The following SNX29 variants were observed in gnomAD, a reference collection of about 807,000 sequenced individuals.
SNX29 encodes the protein sorting nexin 29.
A neutral mutation model predicts 102.1 loss-of-function variants in SNX29; 78 were observed. That is an observed-to-expected ratio of 0.76 (90% CI 0.64 to 0.92). The LOEUF is 0.92. Among genes scored for constraint, SNX29 ranks in the 40% least tolerant of loss-of-function variants. The pLI is 0.00. For synonymous variants in SNX29, 580 were observed against 414.5 expected, an observed-to-expected ratio of 1.40 and a Z score of -4.85; for missense variants, 1,280 against 1,061.7, an observed-to-expected ratio of 1.21 and a Z score of -2.86.
chr16:12,208,748 G>A (rs1418153569), intron 14 of SNX29, among the ~76,000 whole-genome samples: 1 of 152,086 alleles, frequency 6.6e-6, no homozygotes, highest in African/African-American at 2.4e-5. Context: ...GGCTGAGGTG[G>A]GAGGATCACT....
intron 1 of SNX29, among the ~76,000 whole-genome samples, chr16:11,987,655 A>G (rs1052259605): frequency 6.6e-6 from 1 of 152,130 alleles, no homozygotes; most frequent in African/African-American, 2.4e-5. Flanking sequence ...TTGGCTTCCC[A>G]AAGTGCTGGG....
chr16:12,429,338 C>T (rs1159155127), intron 18 of SNX29, among the ~76,000 whole-genome samples: 1 of 152,210 alleles, frequency 6.6e-6, no homozygotes, highest in Admixed American at 6.6e-5. Flanking sequence ...GATACGATTG[C>T]AGTTGATATC....
chr16:12,251,064 A>G (rs1251346073), intron 14 of SNX29, among the ~76,000 whole-genome samples: 1 of 152,228 alleles, frequency 6.6e-6, no homozygotes, highest in Non-Finnish European at 1.5e-5. Flanking sequence ...CAGGCTGCGC[A>G]GGACATCACC....
In SNX29 at chr16:12,571,510, G is replaced by A; in HGVS notation, c.*2881G>A. 5.0e-6 allele frequency: 3 copies of A among 596,184 alleles called. No homozygotes were observed. Among genetic ancestry groups the A allele is most frequent in the East Asian group, 5.6e-5 (1 of 17,916 alleles). 36.9% of individuals were successfully genotyped at this position (596,184 alleles called of 1,614,324 possible). On this transcript the variant is annotated 3_prime_UTR_variant, in exon 21 of 21. Coordinates refer to ENST00000566228, the MANE Select transcript of SNX29 (RefSeq NM_032167.5). ...GGAACGAGGGTGGCCCACCTCTCAA[G>A]GGCCTTGGATTCCTGGGACCACCCT...
At chr16:12,524,882 A>G (rs1220841089) in intron 20 of SNX29, 41 bp downstream of exon 20, 2 of 1,596,778 alleles carry the variant, frequency 1.3e-6, no homozygotes, top group African/African-American at 1.4e-5. Flanking sequence ...CAGCCCTGCC[A>G]GCATTTTTTT....
At chr16:12,251,848 C>A (rs545701464) in intron 14 of SNX29, among the ~76,000 whole-genome samples, 149 of 152,218 alleles carry the variant, frequency 9.8e-4, no homozygotes, top group African/African-American at 3.5e-3. Flanking sequence ...CAGCCTCGAG[C>A]TTCTGGACTC....
At chr16:12,461,396 G>A (rs959283525) in intron 18 of SNX29, among the ~76,000 whole-genome samples, 26 of 152,164 alleles carry the variant, frequency 1.7e-4, no homozygotes, top group Non-Finnish European at 2.5e-4. Context: ...GTAGAGGCAC[G>A]TTTGGCTTCC....
chr16:12,509,301 A>G (rs866905206), intron 19 of SNX29, among the ~76,000 whole-genome samples: 2 of 152,158 alleles, frequency 1.3e-5, no homozygotes, highest in Non-Finnish European at 2.9e-5. Flanking sequence ...CAGGCATGCC[A>G]TCTGTCAGCC....
At chr16:12,340,296 T>C (rs2081574028) in intron 15 of SNX29, among the ~76,000 whole-genome samples, 1 of 152,242 alleles carries the variant, frequency 6.6e-6, no homozygotes, top group African/African-American at 2.4e-5. Flanking sequence ...GGAGAATTTC[T>C]ATTGAAGCCC....
At chr16:12,029,352 C>A (rs1001176995) in intron 4 of SNX29, among the ~76,000 whole-genome samples, 1 of 152,126 alleles carries the variant, frequency 6.6e-6, no homozygotes, top group East Asian at 1.9e-4. Flanking sequence ...ATACCAGGAT[C>A]ACTCCAGCTT....
At chr16:12,458,802 G>A (rs918985128) in intron 18 of SNX29, among the ~76,000 whole-genome samples, 1 of 152,156 alleles carries the variant, frequency 6.6e-6, no homozygotes, top group African/African-American at 2.4e-5. Flanking sequence ...GCAGGCTCTG[G>A]CCACAGCTCA....
chr16:12,558,073 G>A (rs1341032384), intron 20 of SNX29, among the ~76,000 whole-genome samples: 4 of 152,188 alleles, frequency 2.6e-5, no homozygotes, highest in African/African-American at 9.7e-5. Flanking sequence ...ATTGTGCTCT[G>A]AACATCCCAT....
chr16:12,067,700 C>G (rs1387931928), intron 9 of SNX29, among the ~76,000 whole-genome samples: 2 of 152,156 alleles, frequency 1.3e-5, no homozygotes, highest in Non-Finnish European at 2.9e-5. Flanking sequence ...GTTAGCCAGG[C>G]TGGTCTCGAA....
In SNX29 at chr16:11,987,463, G is replaced by A. The variant is rs1056462694; in HGVS notation, c.7+10650G>A. ...CTGTCACCCAGGCTGGAGTGCAGCG[G>A]TGTGATCACTGCAACCTCCACCTCC... On this transcript the variant is annotated intron_variant, in intron 1 of 20. Coordinates refer to ENST00000566228, the MANE Select transcript of SNX29 (RefSeq NM_032167.5). 6.0e-5 allele frequency among the ~76,000 whole-genome samples: 9 copies of A among 149,658 alleles called. No individual in the cohort carries two copies. In the South Asian group the frequency reaches 1.5e-3, roughly 25 times the overall value.
chr16:12,148,906 TTGTC>T (rs1184568673), intron 13 of SNX29, among the ~76,000 whole-genome samples: 1 of 152,078 alleles, frequency 6.6e-6, no homozygotes, highest in Admixed American at 6.5e-5. Context: ...TTCTCCATGT[TTGTC>T]AGGCTGGTCT....
chr16:12,555,446 C>T (rs777252974), intron 20 of SNX29, among the ~76,000 whole-genome samples: 2 of 152,008 alleles, frequency 1.3e-5, no homozygotes, highest in Non-Finnish European at 2.9e-5. Flanking sequence ...CTCATGTACG[C>T]AGGGTGTTTC....
At chr16:12,221,327 C>T (rs540373226) in intron 14 of SNX29, among the ~76,000 whole-genome samples, 1 of 152,108 alleles carries the variant, frequency 6.6e-6, no homozygotes, top group East Asian at 1.9e-4. Flanking sequence ...AAAGGGTGAC[C>T]AGATGGACCA....
chr16:12,149,415 T>C (rs2055203948), intron 13 of SNX29, among the ~76,000 whole-genome samples: 1 of 152,210 alleles, frequency 6.6e-6, no homozygotes, highest in African/African-American at 2.4e-5. Flanking sequence ...AGAAGGCAAG[T>C]AGTGGTCTGT....
At position 12,570,556 on chromosome 16, in the gene SNX29, G is replaced by T; in HGVS notation, c.*1927G>T. ...AGTAGGTGTTTGATGCCAGCTCAGA[G>T]ACTGTCTCAGGAGTGCCTCCCTGGC... On this transcript the variant is annotated 3_prime_UTR_variant, in exon 21 of 21. Coordinates refer to ENST00000566228, the MANE Select transcript of SNX29 (RefSeq NM_032167.5). The T allele has an allele frequency of 4.3e-6, 1 of 232,484 alleles. No homozygotes were observed. The highest frequency in any genetic ancestry group is 8.5e-6 in the Non-Finnish European group (1 of 117,562). 14.4% of individuals were successfully genotyped at this position (232,484 alleles called of 1,614,324 possible). A position where few individuals can be genotyped will look rare whatever the true frequency, so the allele number is the denominator to read the frequency against.
Sources: allele counts gnomAD v4.1 joint callset (sites outside exome capture counted in the v4.1 genomes callset), GRCh38; gene constraint gnomAD v4.1.1; transcripts MANE v1.5; gene names NCBI Gene and HGNC (gene_info 2026-07-23, HGNC 2026-07-21).